WDR48: variants seen among roughly 807,000 people sequenced by gnomAD.
WDR48 encodes WD repeat-containing protein 48.
WDR48 carries 22 observed loss-of-function variants against 94.0 expected under a neutral mutation model. That is an observed-to-expected ratio of 0.23 (90% CI 0.17 to 0.33). The LOEUF (loss-of-function observed/expected upper bound fraction) is 0.33, where lower values mean the gene tolerates loss of function less well. Ranked by LOEUF, WDR48 falls within the 10% of genes least tolerant of loss-of-function variation. The pLI, the probability that WDR48 is intolerant of heterozygous loss-of-function variation, is 1.00. For missense variants in WDR48, 541 were observed against 813.8 expected, an observed-to-expected ratio of 0.66 and a Z score of 4.08; for synonymous variants, 278 against 280.5, an observed-to-expected ratio of 0.99 and a Z score of 0.09.
intron 12 of WDR48, 117 bp from the exon 13 acceptor site, chr3:39,084,528 T>G: frequency 1.2e-6 from 1 of 839,108 alleles, no homozygotes; most frequent in Non-Finnish European, 1.8e-6. Flanking sequence ...AAACACATTT[T>G]GGTTCCTGAA....
At chr3:39,079,029 CAAAAA>C (rs566314334) in intron 10 of WDR48, among the ~76,000 whole-genome samples, 1 of 101,300 alleles carries the variant, frequency 9.9e-6, no homozygotes, top group African/African-American at 3.3e-5. Flanking sequence ...GACTCCGTCT[CAAAAA>C]AAAAAAAAAA....
At chr3:39,055,575 G>A (rs576417665) in intron 1 of WDR48, among the ~76,000 whole-genome samples, 1 of 152,340 alleles carries the variant, frequency 6.6e-6, no homozygotes, top group East Asian at 1.9e-4. Flanking sequence ...ATGAGTCCAT[G>A]TCCTACCATC....
intron 1 of WDR48, among the ~76,000 whole-genome samples, chr3:39,055,748 T>C (rs543808768): frequency 1.3e-5 from 2 of 152,326 alleles, no homozygotes; most frequent in Admixed American, 6.5e-5. Context: ...CTTGGTGGTA[T>C]GATTTTCCAG....
intron 10 of WDR48, 26 bp from the exon 11 acceptor site, chr3:39,079,685 C>A (rs755897322): frequency 1.4e-6 from 2 of 1,439,542 alleles, no homozygotes; most frequent in Admixed American, 5.0e-5. Flanking sequence ...GATTGTTTTA[C>A]CAATTGTGTT....
intron 16 of WDR48, 165 bp downstream of exon 16, chr3:39,089,483 A>G (rs1174327150): frequency 4.3e-6 from 2 of 462,462 alleles, no homozygotes; most frequent in Non-Finnish European, 7.5e-6. Context: ...AGTACTGATA[A>G]TTATTTATCT....
chr3:39,065,197 G>A (rs916355595), intron 2 of WDR48, among the ~76,000 whole-genome samples: 1 of 152,176 alleles, frequency 6.6e-6, no homozygotes, highest in African/African-American at 2.4e-5. Context: ...GTAGAATCTC[G>A]AATCACCTAA....
At chr3:39,066,065 G>A (rs2033585244) in intron 3 of WDR48, among the ~76,000 whole-genome samples, 176 bp downstream of exon 3, 1 of 152,168 alleles carries the variant, frequency 6.6e-6, no homozygotes, top group Non-Finnish European at 1.5e-5. Flanking sequence ...GCCCTCTTGT[G>A]CCACCCTTTG....
chr3:39,069,498 T>C (rs2125652248), intron 6 of WDR48, 145 bp from the exon 7 acceptor site: 1 of 597,300 alleles, frequency 1.7e-6, no homozygotes, highest in East Asian at 2.9e-5. Flanking sequence ...TCCCTGAGGT[T>C]GGGAGGCTTA....
rs569692570 is a variant in WDR48 at position 39,092,542 on chromosome 3, G to A, written c.1745+841G>A. On this transcript the variant is annotated intron_variant, in intron 17 of 18. Coordinates refer to ENST00000302313, the MANE Select transcript of WDR48 (RefSeq NM_020839.4). ...GAGGTAAATTGGAAAAGCAGTTAAA[G>A]GTTTTGTTGATGTTGGATTTGAATG... Among the ~76,000 whole-genome samples, 8 of 152,178 alleles carry A rather than the reference G, an allele frequency of 5.3e-5. No individual in the cohort carries two copies. The East Asian group carries it at 1.5e-3, about 29-fold the overall frequency.
At chr3:39,053,857 C>T (rs1340521267) in intron 1 of WDR48, among the ~76,000 whole-genome samples, 1 of 152,186 alleles carries the variant, frequency 6.6e-6, no homozygotes, top group Non-Finnish European at 1.5e-5. Context: ...AGCCAGTGCA[C>T]GTAGAATGAG....
rs146161675 is a variant in WDR48 at position 39,067,105 on chromosome 3, T to C, written c.481+230T>C. Among the ~76,000 whole-genome samples the C allele has an allele frequency of 7.7e-3, 1,168 of 152,310 alleles. 13 individuals are homozygous for C. The highest frequency in any genetic ancestry group is 0.027 in the African/African-American group (1,110 of 41,568). Reference sequence around the variant, plus strand: ...CCAGGTATAACCTGGTTATTTTTTGTACGTGTGCATGTCTTAGCTCCCTAG... The same window carrying C: ...CCAGGTATAACCTGGTTATTTTTTGCACGTGTGCATGTCTTAGCTCCCTAG... On this transcript the variant is annotated intron_variant, in intron 5 of 18. Coordinates refer to ENST00000302313, the MANE Select transcript of WDR48 (RefSeq NM_020839.4).
Position 39,094,015 on chromosome 3 carries a change from A to T in WDR48, c.1887A>T (p.Glu629Asp). The T allele has an allele frequency of 6.2e-7, 1 of 1,614,036 alleles. No individual in the cohort carries two copies. The highest frequency in any genetic ancestry group is 8.5e-7 in the Non-Finnish European group (1 of 1,179,972). The stretch of plus-strand genomic sequence containing the variant: ...AACCAGGAGAACAGGAAAAAGAAGA[A>T]GATATTGCTGTGTTGGCAGAGGAGA... The part of the protein sequence containing the change: ...NEKPGEQEKE[E>D]DIAVLAEEKI... Residue 629 changes from glutamate (E) to aspartate (D), a missense_variant, in exon 18 of 19, where the codon GAA becomes GAT. Physicochemically the swap from Glu to Asp is conservative, Grantham distance 45 (BLOSUM62 2). Around this residue, in one of 5 missense-constraint regions of WDR48, gnomAD observed 109 missense variants for 195.5 expected, o/e 0.56. Coordinates refer to ENST00000302313, the MANE Select transcript of WDR48 (RefSeq NM_020839.4).
intron 7 of WDR48, among the ~76,000 whole-genome samples, chr3:39,070,504 T>C (rs548875926): frequency 1.3e-5 from 2 of 152,240 alleles, no homozygotes; most frequent in South Asian, 4.1e-4. Flanking sequence ...AGTTAAGACT[T>C]TAGACATGAA....
intron 1 of WDR48, among the ~76,000 whole-genome samples, chr3:39,060,498 A>G (rs905318493): frequency 6.6e-6 from 1 of 151,774 alleles, no homozygotes; most frequent in Non-Finnish European, 1.5e-5. Context: ...GGTTGTTTCC[A>G]CTTTTGTAAC....
At chr3:39,064,795 G>A (rs1306767350) in intron 2 of WDR48, among the ~76,000 whole-genome samples, 3 of 152,216 alleles carry the variant, frequency 2.0e-5, no homozygotes, top group African/African-American at 7.2e-5. Flanking sequence ...GGCAGGCTTT[G>A]AATTCTTTAG....
chr3:39,075,492 T>A (rs968048620), intron 8 of WDR48, among the ~76,000 whole-genome samples: 1 of 152,048 alleles, frequency 6.6e-6, no homozygotes, highest in African/African-American at 2.4e-5. Context: ...TGCTTCATAC[T>A]CCAAACCACC....
Position 39,094,710 on chromosome 3 carries a change from C to T in WDR48, c.2001C>T (p.Asp667=), listed in dbSNP as rs760415599. The change falls in exon 19 of 19, where the codon GAC becomes GAT. Residue 667 remains aspartate, a synonymous_variant. Coordinates refer to ENST00000302313, the MANE Select transcript of WDR48 (RefSeq NM_020839.4). ...VKHFIWKSGG[D]LTLHYRQKST ...ACTTCATATGGAAGAGCGGTGGAGA[C>T]CTCACCCTCCATTACCGTCAGAAGT... 1 of 1,614,002 alleles carries T rather than the reference C, an allele frequency of 6.2e-7. No homozygotes were observed. The highest frequency in any genetic ancestry group is 2.2e-5 in the East Asian group (1 of 44,864).
intron 1 of WDR48, 35 bp downstream of exon 1, chr3:39,052,108 G>C (rs759140210): frequency 1.1e-5 from 18 of 1,612,292 alleles, no homozygotes; most frequent in Non-Finnish European, 1.4e-5. Flanking sequence ...TTCCGGACGC[G>C]GCCGGCAGCT....
At chr3:39,060,115 T>C (rs924979593) in intron 1 of WDR48, among the ~76,000 whole-genome samples, 2 of 152,192 alleles carry the variant, frequency 1.3e-5, no homozygotes, top group African/African-American at 4.8e-5. Context: ...AAGTGCACCC[T>C]TTCAAAGTGT....
Sources: gnomAD v4.1 joint callset for allele counts (sites outside exome capture counted in the v4.1 genomes callset) on GRCh38, gnomAD v4.1.1 for gene constraint, gnomAD v4.1.1 regional missense constraint, MANE v1.5 for transcripts, NCBI Gene and HGNC (gene_info 2026-07-23, HGNC 2026-07-21) for gene names.